Variants in ROR2 observed in about 807,000 individuals in gnomAD.
ROR2 encodes the protein ROR family WNT receptor 2.
Under a neutral mutation model 74.9 loss-of-function variants are expected in ROR2, and 33 were observed. The ratio of observed to expected loss-of-function variants is 0.44; its 90% CI spans 0.33 to 0.59. ROR2 has a LOEUF of 0.59. ROR2 is among the 20% of genes least tolerant of loss of function. The pLI, the probability that ROR2 is intolerant of heterozygous loss-of-function variation, is 0.02. For missense variants in ROR2, 1,216 were observed against 1,313.8 expected (o/e 0.93, Z 1.15); for synonymous variants, 586 against 558.7 (o/e 1.05, Z -0.69).
intron 1 of ROR2, among the ~76,000 whole-genome samples, chr9:91,863,208 T>C (rs573073632): frequency 1.8e-4 from 28 of 152,340 alleles, no homozygotes; most frequent in African/African-American, 6.7e-4. Flanking sequence ...TTTTCTTCTG[T>C]GGAGACAGGG....
At position 91,924,594 on chromosome 9, in the gene ROR2, C is replaced by T. The variant is rs901974494; in HGVS notation, c.97+25273G>A. ...GGATCACGAGGTCAGGAGATCGAGA[C>T]CATCCTGGCTAACACGGTGAAACCC... On this transcript the variant is annotated intron_variant, in intron 1 of 8. Coordinates refer to ENST00000375708, the MANE Select transcript of ROR2 (RefSeq NM_004560.4). Among the ~76,000 whole-genome samples the T allele has an allele frequency of 8.5e-4, 130 of 152,226 alleles. 1 individual carries two copies. Among genetic ancestry groups the T allele is most frequent in the Admixed American group, 2.9e-3 (45 of 15,294 alleles).
chr9:91,763,903 C>T (rs140338421), intron 2 of ROR2, among the ~76,000 whole-genome samples: 27 of 152,230 alleles, frequency 1.8e-4, no homozygotes, highest in Admixed American at 4.6e-4. Context: ...AGATATGCTC[C>T]GCAGAGTCGG....
intron 1 of ROR2, among the ~76,000 whole-genome samples, chr9:91,798,325 G>A (rs1277844753): frequency 9.1e-6 from 1 of 109,662 alleles, no homozygotes; most frequent in Non-Finnish European, 1.7e-5. Flanking sequence ...TGCGGCTGAC[G>A]CCCTGGGCTA....
intron 1 of ROR2, among the ~76,000 whole-genome samples, chr9:91,842,741 C>A (rs951845799): frequency 9.2e-5 from 14 of 152,236 alleles, no homozygotes; most frequent in Non-Finnish European, 1.8e-4. Flanking sequence ...CCTGCCACCC[C>A]CCTCCTCCTT....
chr9:91,900,766 C>A (rs569053116), intron 1 of ROR2, among the ~76,000 whole-genome samples: 16 of 152,296 alleles, frequency 1.1e-4, no homozygotes, highest in Non-Finnish European at 2.1e-4. Context: ...CCATTAGACC[C>A]ACTTCACACC....
intron 2 of ROR2, among the ~76,000 whole-genome samples, chr9:91,763,737 C>T (rs12001172): frequency 0.032 from 4,828 of 152,274 alleles, 260 homozygotes; most frequent in African/African-American, 0.11. Context: ...CTTTAGCCAT[C>T]CAATTAATTA....
At chr9:91,898,908 G>A (rs567225628) in intron 1 of ROR2, among the ~76,000 whole-genome samples, 5 of 152,324 alleles carry the variant, frequency 3.3e-5, no homozygotes, top group African/African-American at 1.2e-4. Context: ...AGTAACTCCA[G>A]GAAACTGGAA....
chr9:91,914,935 C>T lies in ROR2; in HGVS notation c.97+34932G>A, dbSNP rs566755504. ...CATCACCATTGAAGAGTACATTTATCATCTTTCATATGGGTAGGTGGGTCC... is the reference window on the plus strand; with the variant it reads ...CATCACCATTGAAGAGTACATTTATTATCTTTCATATGGGTAGGTGGGTCC... On this transcript the variant is annotated intron_variant, in intron 1 of 8. Transcript: ENST00000375708. 4.0e-5 allele frequency among the ~76,000 whole-genome samples: 6 copies of T among 151,400 alleles called. No homozygotes were observed. The South Asian group carries it at 1.3e-3, about 32-fold the overall frequency.
Position 91,780,526 on chromosome 9 carries a change from G to A in ROR2, c.98-4708C>T, listed in dbSNP as rs190200080. On this transcript the variant is annotated intron_variant, in intron 1 of 8. Coordinates refer to ENST00000375708, the MANE Select transcript of ROR2 (RefSeq NM_004560.4). ...TAATTGGGCTGGCGTGGTGGCTCAT[G>A]CCTGTAATCCCAGCACTTTGGGAGG... Among the ~76,000 whole-genome samples the A allele has an allele frequency of 1.4e-4, 21 of 152,334 alleles. 1 individual carries two copies. Among genetic ancestry groups the A allele is most frequent in the Non-Finnish European group, 2.9e-5 (2 of 68,026 alleles).
At chr9:91,925,726 G>C (rs1831379759) in intron 1 of ROR2, among the ~76,000 whole-genome samples, 1 of 152,136 alleles carries the variant, frequency 6.6e-6, no homozygotes, top group Non-Finnish European at 1.5e-5. Context: ...AAGAGTGCTT[G>C]CCAGAGAGCC....
intron 4 of ROR2, among the ~76,000 whole-genome samples, chr9:91,746,843 A>G (rs543749016): frequency 7.0e-6 from 1 of 141,944 alleles, no homozygotes; most frequent in African/African-American, 2.7e-5. Flanking sequence ...AGAATAACAC[A>G]CTTTCCTTGA....
chr9:91,924,278 C>G (rs896349029), intron 1 of ROR2, among the ~76,000 whole-genome samples: 2 of 152,222 alleles, frequency 1.3e-5, no homozygotes, highest in Admixed American at 6.5e-5. Flanking sequence ...CTGGGGACTG[C>G]CCGGCCATCC....
At chr9:91,880,117 T>C (rs1244315986) in intron 1 of ROR2, among the ~76,000 whole-genome samples, 5 of 151,948 alleles carry the variant, frequency 3.3e-5, no homozygotes, top group Non-Finnish European at 7.4e-5. Flanking sequence ...TAAGCTAAAA[T>C]AAAGTCATCA....
At chr9:91,889,711 G>C (rs1830378711) in intron 1 of ROR2, among the ~76,000 whole-genome samples, 1 of 152,188 alleles carries the variant, frequency 6.6e-6, no homozygotes, top group East Asian at 1.9e-4. Context: ...CTGGGCCAAG[G>C]ACCTGGCTTT....
At chr9:91,799,050 C>G (rs1827286876) in intron 1 of ROR2, among the ~76,000 whole-genome samples, 1 of 152,190 alleles carries the variant, frequency 6.6e-6, no homozygotes, top group Non-Finnish European at 1.5e-5. Context: ...CTGTCTCACA[C>G]ATGCCCCTCG....
At chr9:91,837,265 G>A (rs906392973) in intron 1 of ROR2, among the ~76,000 whole-genome samples, 1 of 152,116 alleles carries the variant, frequency 6.6e-6, no homozygotes, top group Non-Finnish European at 1.5e-5. Flanking sequence ...GTACAGACGG[G>A]GTTTCACCAT....
intron 1 of ROR2, among the ~76,000 whole-genome samples, chr9:91,944,186 A>G (rs981456162): frequency 6.6e-6 from 1 of 152,204 alleles, no homozygotes; most frequent in Non-Finnish European, 1.5e-5. Flanking sequence ...AAACCTATAC[A>G]GCATGTGGCT....
At position 91,897,452 on chromosome 9, in the gene ROR2, G is replaced by C. The variant is rs1349664485; in HGVS notation, c.97+52415C>G. Among the ~76,000 whole-genome samples the C allele has an allele frequency of 3.3e-5, 5 of 152,254 alleles. No individual in the cohort carries two copies. In the East Asian group the frequency reaches 7.7e-4, roughly 24 times the overall value. On this transcript the variant is annotated intron_variant, in intron 1 of 8. Transcript: ENST00000375708. Reference sequence around the variant, plus strand: ...AACGTTATAATAATAGTCTCATGGGGTTGGTGATAATGTCAATAGTTAGTA... The same window carrying C: ...AACGTTATAATAATAGTCTCATGGGCTTGGTGATAATGTCAATAGTTAGTA...
intron 1 of ROR2, among the ~76,000 whole-genome samples, chr9:91,817,916 G>A (rs1291300432): frequency 6.6e-6 from 1 of 152,142 alleles, no homozygotes; most frequent in African/African-American, 2.4e-5. Flanking sequence ...TTTGTTTATA[G>A]CTGTTCCAGA....
Sources: allele counts gnomAD v4.1 joint callset (sites outside exome capture counted in the v4.1 genomes callset), GRCh38; gene constraint gnomAD v4.1.1; transcripts MANE v1.5; gene names NCBI Gene and HGNC (gene_info 2026-07-23, HGNC 2026-07-21).